DNER: variants seen among roughly 807,000 people sequenced by gnomAD.
DNER encodes delta/notch like EGF repeat containing.
In DNER, 33 loss-of-function variants were observed where a neutral mutation model predicts 78.2. The ratio of observed to expected loss-of-function variants is 0.42; its 90% CI spans 0.32 to 0.56. The LOEUF (loss-of-function observed/expected upper bound fraction) is 0.56. Among genes scored for constraint, DNER ranks in the 20% least tolerant of loss-of-function variants. The probability of loss-of-function intolerance (pLI) is 0.11; values close to 1 mark genes in which losing one functional copy is unlikely to be tolerated. For missense variants in DNER, 918 were observed against 975.3 expected, an observed-to-expected ratio of 0.94 and a Z score of 0.78; for synonymous variants, 417 against 384.8, an observed-to-expected ratio of 1.08 and a Z score of -0.98.
At chr2:229,638,354 T>C (rs765134174) in intron 1 of DNER, among the ~76,000 whole-genome samples, 1 of 152,186 alleles carries the variant, frequency 6.6e-6, no homozygotes, top group Admixed American at 6.5e-5. Context: ...CAAAGCAGTA[T>C]AGTATTCACC....
chr2:229,458,007 G>A (rs891727639), intron 7 of DNER, among the ~76,000 whole-genome samples: 2 of 151,198 alleles, frequency 1.3e-5, no homozygotes, highest in Non-Finnish European at 2.9e-5. Context: ...GTGGTGGTGT[G>A]CACCTGTAAT....
chr2:229,709,950 T>A (rs768363174), intron 1 of DNER, among the ~76,000 whole-genome samples: 4 of 152,194 alleles, frequency 2.6e-5, no homozygotes, highest in Admixed American at 6.5e-5. Flanking sequence ...CACTGCCACC[T>A]CTGATACCTG....
intron 2 of DNER, among the ~76,000 whole-genome samples, chr2:229,589,485 A>G (rs939073689): frequency 6.6e-6 from 1 of 152,238 alleles, no homozygotes; most frequent in East Asian, 1.9e-4. Context: ...ATTACTTCAC[A>G]GAAAGGGGAT....
At chr2:229,362,040 C>A (rs968980076) in intron 12 of DNER, among the ~76,000 whole-genome samples, 2 of 152,096 alleles carry the variant, frequency 1.3e-5, no homozygotes, top group African/African-American at 2.4e-5. Context: ...GAAGCCAGAT[C>A]TTTAAAAGAT....
intron 10 of DNER, among the ~76,000 whole-genome samples, chr2:229,393,824 G>A (rs1484341061): frequency 6.6e-6 from 1 of 152,064 alleles, no homozygotes; most frequent in Non-Finnish European, 1.5e-5. Context: ...TCCAGCCTGG[G>A]CAACAGAGCG....
At chr2:229,611,438 C>A (rs550429259) in intron 1 of DNER, among the ~76,000 whole-genome samples, 73 of 152,322 alleles carry the variant, frequency 4.8e-4, no homozygotes, top group African/African-American at 1.7e-3. Flanking sequence ...AAATGGGTCA[C>A]TTTATAAATT....
chr2:229,586,814 C>A, intron 3 of DNER: 3 of 985,910 alleles, frequency 3.0e-6, no homozygotes, highest in Non-Finnish European at 2.4e-6. Flanking sequence ...CCCCAGTGCT[C>A]CTGGAGAAGA....
intron 1 of DNER, among the ~76,000 whole-genome samples, chr2:229,630,776 C>A (rs558936480): frequency 1.3e-5 from 2 of 152,174 alleles, no homozygotes; most frequent in African/African-American, 4.8e-5. Context: ...CATTTTTCAA[C>A]CCTTGCCCCC....
At chr2:229,686,033 A>G (rs1341080468) in intron 1 of DNER, among the ~76,000 whole-genome samples, 4 of 152,154 alleles carry the variant, frequency 2.6e-5, no homozygotes, top group Non-Finnish European at 5.9e-5. Context: ...AAAAGAGCCC[A>G]TATGTTTGTG....
chr2:229,374,237 C>G (rs1295035021), intron 11 of DNER, among the ~76,000 whole-genome samples: 4 of 148,138 alleles, frequency 2.7e-5, no homozygotes, highest in Non-Finnish European at 5.9e-5. Context: ...TTAGGGACTA[C>G]TAGGGAGTAA....
chr2:229,677,397 C>A (rs1699315406), intron 1 of DNER, among the ~76,000 whole-genome samples: 1 of 152,192 alleles, frequency 6.6e-6, no homozygotes. Flanking sequence ...TTCAAGCTCT[C>A]CCATCATCAT....
chr2:229,675,681 A>T (rs554418704), intron 1 of DNER, among the ~76,000 whole-genome samples: 15 of 152,304 alleles, frequency 9.8e-5, no homozygotes, highest in African/African-American at 3.6e-4. Flanking sequence ...CAAAGAGGAA[A>T]TGACCCACAG....
At chr2:229,585,750 G>A (rs1218714077) in intron 4 of DNER, 108 bp downstream of exon 4, 8 of 1,117,372 alleles carry the variant, frequency 7.2e-6, no homozygotes, top group Admixed American at 2.5e-5. Flanking sequence ...AGCATTGATG[G>A]ATAGAATTCA....
At chr2:229,495,605 C>T (rs897118266) in intron 6 of DNER, among the ~76,000 whole-genome samples, 5 of 152,174 alleles carry the variant, frequency 3.3e-5, no homozygotes, top group African/African-American at 1.2e-4. Context: ...CTACTCAGGT[C>T]CTCAACCTAG....
chr2:229,363,901 G>A (rs1304611623), intron 12 of DNER, among the ~76,000 whole-genome samples: 2 of 150,502 alleles, frequency 1.3e-5, no homozygotes, highest in Non-Finnish European at 2.9e-5. Context: ...CATGGATTCT[G>A]CTCCCTCCTG....
At chr2:229,703,015 C>T in intron 1 of DNER, among the ~76,000 whole-genome samples, 1 of 150,902 alleles carries the variant, frequency 6.6e-6, no homozygotes, top group Non-Finnish European at 1.5e-5. Flanking sequence ...CCTGGGAGAA[C>T]TGCATTTCTC....
intron 8 of DNER, among the ~76,000 whole-genome samples, chr2:229,431,012 G>C (rs1693991929): frequency 6.6e-6 from 1 of 152,100 alleles, no homozygotes; most frequent in Non-Finnish European, 1.5e-5. Flanking sequence ...CGCACTGCTA[G>C]TAAAGAAATT....
intron 6 of DNER, among the ~76,000 whole-genome samples, chr2:229,497,617 T>C (rs1416518956): frequency 6.6e-6 from 1 of 151,736 alleles, no homozygotes; most frequent in South Asian, 2.1e-4. Flanking sequence ...ATATTACAAC[T>C]GATACCACAG....
intron 1 of DNER, among the ~76,000 whole-genome samples, chr2:229,692,424 T>C (rs1370237933): frequency 6.6e-6 from 1 of 152,242 alleles, no homozygotes; most frequent in Non-Finnish European, 1.5e-5. Context: ...ATTACACTCA[T>C]CTTAAAATCA....
Sources: allele counts gnomAD v4.1 joint callset (sites outside exome capture counted in the v4.1 genomes callset), GRCh38; gene constraint gnomAD v4.1.1; transcripts MANE v1.5; gene names NCBI Gene and HGNC (gene_info 2026-07-23, HGNC 2026-07-21).